The following TANC2 variants were observed in gnomAD, a reference collection of about 807,000 sequenced individuals.
The protein encoded by TANC2 is tetratricopeptide repeat, ankyrin repeat and coiled-coil containing 2, also known as protein TANC2.
A neutral mutation model predicts 210.5 loss-of-function variants in TANC2; 26 were observed. The ratio of observed to expected loss-of-function variants is 0.12; its 90% CI spans 0.09 to 0.17. TANC2 has a LOEUF of 0.17. TANC2 is among the 10% of genes least tolerant of loss of function. The probability of loss-of-function intolerance (pLI) is 1.00; values close to 1 mark genes in which losing one functional copy is unlikely to be tolerated. For synonymous variants in TANC2, 931 were observed against 967.1 expected, an observed-to-expected ratio of 0.96 and a Z score of 0.69; for missense variants, 2,129 against 2,608.9, an observed-to-expected ratio of 0.82 and a Z score of 4.01.
intron 8 of TANC2, 90 bp downstream of exon 8, chr17:63,238,167 A>G (rs1245016023): frequency 2.9e-6 from 4 of 1,388,230 alleles, no homozygotes; most frequent in Non-Finnish European, 3.8e-6. Flanking sequence ...TCCTGCTCTG[A>G]CAGTATTTAA....
chr17:63,108,394 T>C (rs2037906418), intron 4 of TANC2, among the ~76,000 whole-genome samples: 1 of 151,830 alleles, frequency 6.6e-6, no homozygotes, highest in Non-Finnish European at 1.5e-5. Flanking sequence ...ACCCCATAAA[T>C]ATGTAAAGTT....
chr17:63,421,911 T>C lies in TANC2; in HGVS notation c.6181T>C (p.Ser2061Pro), dbSNP rs1198931893. 1 of 1,613,550 alleles carries C rather than the reference T, an allele frequency of 6.2e-7. No individual in the cohort carries two copies. Among genetic ancestry groups the C allele is most frequent in the African/African-American group, 1.3e-5 (1 of 74,920 alleles). Residue 2061 changes from serine to proline, a missense_variant, in exon 28 of 28, where the codon TCC (serine) becomes CCC (proline). This residue lies in a region of TANC2 where 161 missense variants were observed against 178.6 expected (regional missense o/e 0.90). Transcript: ENST00000689528. This position sits in a 1 kb window ranked among gnomAD's most constrained non-coding sequence, Gnocchi z 6.9. Reference sequence around the variant, plus strand: ...CCGAGACTCTCGGCAAGGGCAGACATCCCCTATCAAACCAAAGAGACCGTT... The same window carrying C: ...CCGAGACTCTCGGCAAGGGCAGACACCCCCTATCAAACCAAAGAGACCGTT...
intron 2 of TANC2, among the ~76,000 whole-genome samples, chr17:63,048,137 T>C (rs2035449782): frequency 6.6e-6 from 1 of 152,124 alleles, no homozygotes; most frequent in African/African-American, 2.4e-5. Context: ...TAAAAAATCC[T>C]TTCTAGGTTT....
chr17:63,238,098 TTGTTGTTGC>T (rs1482530321), intron 8 of TANC2, 21 bp downstream of exon 8: 62 of 1,519,336 alleles, frequency 4.1e-5, no homozygotes, highest in Non-Finnish European at 5.4e-5. Flanking sequence ...GTTGTTGTTG[TTGTTGTTGC>T]TGTTGTTAAA....
In TANC2 at chr17:63,421,344, A is replaced by G. The variant is rs778608692; in HGVS notation, c.5614A>G (p.Ser1872Gly). The change falls in exon 28 of 28, where the codon AGT becomes GGT. Residue 1872 changes from serine to glycine, a missense_variant. Physicochemically the swap from Ser to Gly is moderately conservative, Grantham distance 56. Around this residue, in one of 5 missense-constraint regions of TANC2, gnomAD observed 584 missense variants for 627.3 expected, o/e 0.93. Transcript: ENST00000689528. The surrounding 1 kb of genome is among the most constrained non-coding windows in gnomAD (Gnocchi z 6.9). ...CCTTCGCTTCTCTCCATCTAGCAATAGTATCTCCTCCACCTCCAACCTAAC... is the reference window on the plus strand; with the variant it reads ...CCTTCGCTTCTCTCCATCTAGCAATGGTATCTCCTCCACCTCCAACCTAAC... 13 of 1,614,022 alleles carry G rather than the reference A, an allele frequency of 8.1e-6. No homozygotes were observed. The highest frequency in any genetic ancestry group is 9.3e-6 in the Non-Finnish European group (11 of 1,179,892).
chr17:63,314,365 C>G (rs2045242226), intron 9 of TANC2, 23 bp from the exon 10 acceptor site: 1 of 1,608,356 alleles, frequency 6.2e-7, no homozygotes, highest in Non-Finnish European at 8.5e-7. Flanking sequence ...GACCTAAGTT[C>G]TGCATTCTCT....
intron 8 of TANC2, among the ~76,000 whole-genome samples, chr17:63,247,337 C>CT (rs2042945290): frequency 6.6e-6 from 1 of 151,434 alleles, no homozygotes; most frequent in African/African-American, 2.4e-5. Flanking sequence ...TCCTCTTTAT[C>CT]TTTTTAATAG....
At chr17:63,155,610 G>A (rs1240471452) in intron 5 of TANC2, among the ~76,000 whole-genome samples, 1 of 152,208 alleles carries the variant, frequency 6.6e-6, no homozygotes, top group Non-Finnish European at 1.5e-5. Context: ...GCCCACACCA[G>A]TCTTGAAATA....
At chr17:63,235,859 G>T (rs1015624758) in intron 7 of TANC2, among the ~76,000 whole-genome samples, 1 of 151,902 alleles carries the variant, frequency 6.6e-6, no homozygotes, top group African/African-American at 2.4e-5. Flanking sequence ...TAATCTAGAT[G>T]TTAATGTTTT....
intron 4 of TANC2, among the ~76,000 whole-genome samples, chr17:63,124,167 C>T (rs1018435455): frequency 2.0e-5 from 3 of 151,962 alleles, no homozygotes; most frequent in Admixed American, 6.6e-5. Context: ...CCTAATCAGG[C>T]TAACCATGAA....
At chr17:63,170,934 T>C (rs1369205157) in intron 5 of TANC2, among the ~76,000 whole-genome samples, 1 of 152,200 alleles carries the variant, frequency 6.6e-6, no homozygotes, top group Non-Finnish European at 1.5e-5. Context: ...CGCATGATAC[T>C]GAATTGCTCA....
chr17:63,298,250 G>A (rs987189411), intron 9 of TANC2, among the ~76,000 whole-genome samples: 5 of 152,022 alleles, frequency 3.3e-5, no homozygotes, highest in African/African-American at 4.8e-5. Context: ...ACATACACAC[G>A]AATATACACA....
At chr17:62,984,714 A>C (rs933285138) in intron 1 of TANC2, among the ~76,000 whole-genome samples, 3 of 151,740 alleles carry the variant, frequency 2.0e-5, no homozygotes, top group Non-Finnish European at 2.9e-5. Context: ...TTTTTCCTTC[A>C]TTCATTGGTT....
chr17:63,225,926 C>T (rs1277179228), intron 7 of TANC2, among the ~76,000 whole-genome samples: 1 of 151,882 alleles, frequency 6.6e-6, no homozygotes, highest in Non-Finnish European at 1.5e-5. Flanking sequence ...GGTAACAAAC[C>T]ACAGAAGCAC....
At chr17:62,993,479 G>T (rs1267796104) in intron 1 of TANC2, among the ~76,000 whole-genome samples, 1 of 152,034 alleles carries the variant, frequency 6.6e-6, no homozygotes, top group Non-Finnish European at 1.5e-5. Flanking sequence ...CATTTAATTA[G>T]GTCTTCCTTA....
intron 2 of TANC2, among the ~76,000 whole-genome samples, chr17:63,035,285 TATA>T (rs2034926408): frequency 6.6e-6 from 1 of 152,354 alleles, no homozygotes; most frequent in South Asian, 2.1e-4. Context: ...TCTTTTTAGA[TATA>T]ATGCTATTAC....
At chr17:63,048,855 C>G (rs1009408568) in intron 2 of TANC2, among the ~76,000 whole-genome samples, 8 of 152,134 alleles carry the variant, frequency 5.3e-5, no homozygotes, top group African/African-American at 1.9e-4. Context: ...GAGTACTAGC[C>G]TTGGTTCCTG....
chr17:63,346,682 G>A (rs916816596), intron 12 of TANC2, among the ~76,000 whole-genome samples: 2 of 152,192 alleles, frequency 1.3e-5, no homozygotes, highest in East Asian at 1.9e-4. Context: ...ATACAATAGC[G>A]CTACTACTTT....
chr17:63,368,844 C>T (rs1429658834), intron 14 of TANC2, among the ~76,000 whole-genome samples: 1 of 152,176 alleles, frequency 6.6e-6, no homozygotes, highest in African/African-American at 2.4e-5. Context: ...TTGGTTGACA[C>T]TGGAAAACGG....
Sources: allele counts gnomAD v4.1 joint callset (sites outside exome capture counted in the v4.1 genomes callset), GRCh38; gene constraint gnomAD v4.1.1; regional missense constraint gnomAD v4.1.1; non-coding constraint Gnocchi (gnomAD v3.1); transcripts MANE v1.5; gene names NCBI Gene and HGNC (gene_info 2026-07-23, HGNC 2026-07-21).